The following KAZN variants were observed in gnomAD, a reference collection of about 807,000 sequenced individuals.
KAZN encodes kazrin.
In KAZN, 40 loss-of-function variants were observed where a neutral mutation model predicts 87.4. That is an observed-to-expected ratio of 0.46 (90% CI 0.36 to 0.60). The LOEUF (loss-of-function observed/expected upper bound fraction) is 0.60, where lower values mean the gene tolerates loss of function less well. Among genes scored for constraint, KAZN ranks in the 20% least tolerant of loss-of-function variants. KAZN has a pLI of 0.00. For synonymous variants in KAZN, 466 were observed against 458.3 expected (o/e 1.02, Z -0.22); for missense variants, 898 against 1,073.9 (o/e 0.84, Z 2.29).
chr1:14,737,579 C>T (rs1475247218), intron 1 of KAZN, among the ~76,000 whole-genome samples: 1 of 152,206 alleles, frequency 6.6e-6, no homozygotes. Context: ...CGTATTACCT[C>T]GCAGCTTCTG....
chr1:14,947,531 A>G (rs1661969748), intron 1 of KAZN, among the ~76,000 whole-genome samples: 1 of 152,140 alleles, frequency 6.6e-6, no homozygotes, highest in Non-Finnish European at 1.5e-5. Flanking sequence ...CTGTGAGACT[A>G]TTTGTCCTGA....
intron 2 of KAZN, among the ~76,000 whole-genome samples, chr1:14,524,342 G>A (rs535129445): frequency 8.5e-5 from 13 of 152,158 alleles, no homozygotes; most frequent in East Asian, 7.7e-4. Flanking sequence ...ACTTGTGTGC[G>A]TTTGTGTGAC....
chr1:13,996,297 G>C (rs1639515963), intron 1 of KAZN, among the ~76,000 whole-genome samples: 1 of 152,124 alleles, frequency 6.6e-6, no homozygotes, highest in Admixed American at 6.5e-5. Context: ...CCTCTCAGCT[G>C]GAATCCCCTT....
chr1:14,577,724 C>T (rs1353471885), intron 2 of KAZN, among the ~76,000 whole-genome samples: 1 of 152,186 alleles, frequency 6.6e-6, no homozygotes, highest in Admixed American at 6.5e-5. Flanking sequence ...CATTGCATTC[C>T]CTTCCCAATC....
intron 2 of KAZN, among the ~76,000 whole-genome samples, chr1:14,220,104 A>T (rs975289936): frequency 2.0e-5 from 3 of 151,970 alleles, no homozygotes; most frequent in East Asian, 1.9e-4. Context: ...GGCTGCTTTT[A>T]TCACCTCTTT....
chr1:14,652,017 C>T (rs914240302), intron 1 of KAZN, among the ~76,000 whole-genome samples: 2 of 152,176 alleles, frequency 1.3e-5, no homozygotes, highest in African/African-American at 4.8e-5. Context: ...AAATTAATTC[C>T]TACAGAACAG....
At chr1:14,162,454 A>G (rs866424674) in intron 1 of KAZN, among the ~76,000 whole-genome samples, 8 of 151,930 alleles carry the variant, frequency 5.3e-5, no homozygotes, top group African/African-American at 1.9e-4. Flanking sequence ...ATTTTACTGT[A>G]TTGTTCTTTG....
intron 2 of KAZN, among the ~76,000 whole-genome samples, chr1:14,276,073 C>T (rs573307845): frequency 1.3e-5 from 2 of 152,278 alleles, no homozygotes; most frequent in African/African-American, 4.8e-5. Flanking sequence ...AGGCTGCCCT[C>T]CCAGCTGCTC....
At chr1:14,585,016 G>T (rs543781639) in intron 2 of KAZN, among the ~76,000 whole-genome samples, 5 of 152,212 alleles carry the variant, frequency 3.3e-5, no homozygotes, top group Admixed American at 1.3e-4. Flanking sequence ...CAACACAACT[G>T]GTGTCCTTAC....
intron 4 of KAZN, among the ~76,000 whole-genome samples, chr1:15,048,768 G>A (rs550501355): frequency 2.1e-5 from 3 of 145,678 alleles, no homozygotes; most frequent in South Asian, 2.2e-4. Flanking sequence ...CTGGGTCGTC[G>A]ATCCTGGGTC....
At chr1:14,936,886 C>T (rs1166035777) in intron 1 of KAZN, among the ~76,000 whole-genome samples, 1 of 152,220 alleles carries the variant, frequency 6.6e-6, no homozygotes. Flanking sequence ...GCTCCATAAA[C>T]GTGACAGTCC....
At chr1:14,510,378 C>A (rs569168716) in intron 2 of KAZN, among the ~76,000 whole-genome samples, 58 of 144,540 alleles carry the variant, frequency 4.0e-4, no homozygotes, top group Admixed American at 4.8e-4. Flanking sequence ...AACTCCATCT[C>A]AAAAAAAAAA....
chr1:13,996,116 G>A (rs1033654323), intron 1 of KAZN, among the ~76,000 whole-genome samples: 3 of 152,170 alleles, frequency 2.0e-5, no homozygotes, highest in Non-Finnish European at 4.4e-5. Flanking sequence ...ACGGGGCAGG[G>A]GAACCCTCAA....
chr1:14,204,348 T>A (rs1053221103), intron 2 of KAZN, among the ~76,000 whole-genome samples: 2 of 152,196 alleles, frequency 1.3e-5, no homozygotes, highest in African/African-American at 2.4e-5. Context: ...TTTCTGACCT[T>A]TGAAAAAGAA....
intron 1 of KAZN, among the ~76,000 whole-genome samples, chr1:14,177,330 T>C (rs1243724545): frequency 1.3e-5 from 2 of 152,156 alleles, no homozygotes; most frequent in Non-Finnish European, 2.9e-5. Flanking sequence ...ATGTTTATGC[T>C]ACTCAAACAT....
chr1:14,670,590 C>A (rs1480041722), intron 1 of KAZN, among the ~76,000 whole-genome samples: 1 of 152,172 alleles, frequency 6.6e-6, no homozygotes, highest in Non-Finnish European at 1.5e-5. Flanking sequence ...TTCAGTAGAT[C>A]TGGGGAGGGG....
intron 2 of KAZN, among the ~76,000 whole-genome samples, chr1:14,420,136 A>G (rs57361656): frequency 0.016 from 2,472 of 152,140 alleles, 104 homozygotes; most frequent in East Asian, 0.11. Context: ...TGAGCTAGAC[A>G]CAAAAGTTCT....
intron 1 of KAZN, among the ~76,000 whole-genome samples, chr1:14,663,392 A>C (rs1356370555): frequency 1.3e-5 from 2 of 152,180 alleles, no homozygotes; most frequent in African/African-American, 4.8e-5. Flanking sequence ...GAGAGTCAGG[A>C]GCCAAGCCCA....
At chr1:14,191,166 T>G (rs996846136) in intron 2 of KAZN, among the ~76,000 whole-genome samples, 2 of 152,304 alleles carry the variant, frequency 1.3e-5, no homozygotes, top group South Asian at 4.1e-4. Flanking sequence ...AGCAAAGGGA[T>G]GTTATGGTTA....
Sources: gnomAD v4.1 joint callset for allele counts (sites outside exome capture counted in the v4.1 genomes callset) on GRCh38, gnomAD v4.1.1 for gene constraint, MANE v1.5 for transcripts, NCBI Gene and HGNC (gene_info 2026-07-23, HGNC 2026-07-21) for gene names.